The following DLG2 variants were observed in gnomAD, a reference collection of about 807,000 sequenced individuals.
DLG2 encodes the protein discs large MAGUK scaffold protein 2.
Under a neutral mutation model 132.5 loss-of-function variants are expected in DLG2, and 45 were observed. That is an observed-to-expected ratio of 0.34 (90% CI 0.27 to 0.44). The LOEUF (loss-of-function observed/expected upper bound fraction) is 0.44, where lower values mean the gene tolerates loss of function less well. Ranked by LOEUF, DLG2 falls within the 20% of genes least tolerant of loss-of-function variation. The probability of loss-of-function intolerance (pLI) is 1.00; values close to 1 mark genes in which losing one functional copy is unlikely to be tolerated. For missense variants in DLG2, 1,045 were observed against 1,196.9 expected (o/e 0.87, Z 1.87); for synonymous variants, 424 against 419.6 (o/e 1.01, Z -0.13).
intron 5 of DLG2, among the ~76,000 whole-genome samples, chr11:85,134,398 G>T (rs1422605097): frequency 6.7e-6 from 1 of 148,642 alleles, no homozygotes. Context: ...GCGTAGTGGC[G>T]GGCGCCTGTA....
At chr11:85,580,564 A>T (rs2078445439) in intron 3 of DLG2, among the ~76,000 whole-genome samples, 1 of 152,244 alleles carries the variant, frequency 6.6e-6, no homozygotes, top group South Asian at 2.1e-4. Flanking sequence ...TGCAATACAC[A>T]TATTAATTTA....
At chr11:84,446,084 G>A (rs1365427147) in intron 7 of DLG2, among the ~76,000 whole-genome samples, 6 of 151,328 alleles carry the variant, frequency 4.0e-5, no homozygotes, top group Non-Finnish European at 8.8e-5. Context: ...TTCCTCCTCT[G>A]TGCTGCTTTC....
chr11:85,341,285 A>G (rs1374806092), intron 3 of DLG2, among the ~76,000 whole-genome samples: 4 of 151,700 alleles, frequency 2.6e-5, no homozygotes, highest in Non-Finnish European at 5.9e-5. Context: ...TGCCTGGCTA[A>G]TTTTTTTTGT....
intron 12 of DLG2, among the ~76,000 whole-genome samples, chr11:83,971,316 G>A (rs1181508344): frequency 2.0e-5 from 3 of 152,008 alleles, no homozygotes; most frequent in Non-Finnish European, 4.4e-5. Context: ...AAGAAAGAGA[G>A]GCTGGAGGTG....
intron 6 of DLG2, among the ~76,000 whole-genome samples, chr11:84,660,751 T>C (rs1296540992): frequency 6.6e-6 from 1 of 152,140 alleles, no homozygotes; most frequent in Non-Finnish European, 1.5e-5. Flanking sequence ...TATATAAATA[T>C]ACACATTGAC....
intron 9 of DLG2, among the ~76,000 whole-genome samples, chr11:84,135,666 T>C (rs1475990953): frequency 6.6e-6 from 1 of 152,086 alleles, no homozygotes; most frequent in Non-Finnish European, 1.5e-5. Context: ...TTCCACGTCA[T>C]GCCGTGTGGT....
chr11:83,491,655 T>C (rs1365145506), intron 21 of DLG2, among the ~76,000 whole-genome samples: 1 of 152,030 alleles, frequency 6.6e-6, no homozygotes, highest in Non-Finnish European at 1.5e-5. Context: ...TGCTGGATTT[T>C]ACGATGACTC....
chr11:84,449,992 T>C (rs1004139125), intron 7 of DLG2, among the ~76,000 whole-genome samples: 2 of 151,890 alleles, frequency 1.3e-5, no homozygotes, highest in Non-Finnish European at 2.9e-5. Flanking sequence ...CCATCTACCA[T>C]CTTATGTATA....
intron 3 of DLG2, among the ~76,000 whole-genome samples, chr11:85,554,220 A>T (rs2076815106): frequency 1.3e-5 from 2 of 151,770 alleles, no homozygotes; most frequent in Non-Finnish European, 2.9e-5. Flanking sequence ...TTAACAAAAA[A>T]AATTGAGTAT....
intron 3 of DLG2, among the ~76,000 whole-genome samples, chr11:85,476,359 G>C (rs1234728818): frequency 6.6e-6 from 1 of 151,832 alleles, no homozygotes; most frequent in Non-Finnish European, 1.5e-5. Flanking sequence ...AAATGTGAAG[G>C]CCTAAGACAT....
intron 18 of DLG2, among the ~76,000 whole-genome samples, chr11:83,659,891 C>G (rs150484684): frequency 3.3e-4 from 51 of 152,268 alleles, no homozygotes; most frequent in African/African-American, 1.2e-3. Flanking sequence ...TTTAAGGGGT[C>G]ATGTCATTCT....
intron 6 of DLG2, among the ~76,000 whole-genome samples, chr11:85,011,858 G>T (rs976098279): frequency 4.3e-4 from 65 of 152,220 alleles, no homozygotes; most frequent in Middle Eastern, 3.4e-3. Context: ...GCAAACAAAA[G>T]AATATATCAT....
chr11:85,147,915 C>G (rs1422200947), intron 5 of DLG2, among the ~76,000 whole-genome samples: 1 of 152,158 alleles, frequency 6.6e-6, no homozygotes, highest in East Asian at 1.9e-4. Context: ...CCCCCCACCC[C>G]CTGACTGGCC....
chr11:83,865,043 T>A (rs2062062696), intron 16 of DLG2, among the ~76,000 whole-genome samples: 2 of 152,152 alleles, frequency 1.3e-5, no homozygotes, highest in African/African-American at 2.4e-5. Flanking sequence ...ATTCATCAGA[T>A]AAGACTAAGG....
intron 6 of DLG2, among the ~76,000 whole-genome samples, chr11:84,872,201 C>T (rs977486544): frequency 2.0e-5 from 3 of 152,154 alleles, no homozygotes; most frequent in African/African-American, 7.2e-5. Context: ...TTCAGATTTG[C>T]TTTCTCAGGA....
intron 6 of DLG2, among the ~76,000 whole-genome samples, chr11:85,034,694 C>T (rs773163148): frequency 8.5e-5 from 13 of 152,178 alleles, no homozygotes; most frequent in Non-Finnish European, 1.8e-4. Flanking sequence ...AGCATCCTCA[C>T]ATTCTGTACC....
At chr11:85,246,377 T>C (rs1276615501) in intron 4 of DLG2, among the ~76,000 whole-genome samples, 2 of 152,018 alleles carry the variant, frequency 1.3e-5, no homozygotes, top group African/African-American at 4.8e-5. Context: ...AGGTCATTCA[T>C]TTCTGAGGAA....
At chr11:85,229,811 T>A (rs1213948930) in intron 4 of DLG2, among the ~76,000 whole-genome samples, 1 of 151,984 alleles carries the variant, frequency 6.6e-6, no homozygotes, top group African/African-American at 2.4e-5. Flanking sequence ...TATGCAGCCA[T>A]AAAAAGAATG....
chr11:84,583,402 T>G (rs1414223288), intron 6 of DLG2, among the ~76,000 whole-genome samples: 1 of 152,208 alleles, frequency 6.6e-6, no homozygotes, highest in Non-Finnish European at 1.5e-5. Context: ...AAAGTAAAAC[T>G]CAAGTCCACT....
Sources: allele counts gnomAD v4.1 joint callset (sites outside exome capture counted in the v4.1 genomes callset), GRCh38; gene constraint gnomAD v4.1.1; transcripts MANE v1.5; gene names NCBI Gene and HGNC (gene_info 2026-07-23, HGNC 2026-07-21).